The following MCM9 variants were observed in gnomAD, a reference collection of about 807,000 sequenced individuals.
The protein encoded by MCM9 is minichromosome maintenance 9 homologous recombination repair factor.
Under a neutral mutation model 72.8 loss-of-function variants are expected in MCM9, and 55 were observed. That is an observed-to-expected ratio of 0.76 (90% confidence interval 0.61 to 0.95). The LOEUF (loss-of-function observed/expected upper bound fraction) is 0.95. Among genes scored for constraint, MCM9 ranks in the 40% least tolerant of loss-of-function variants. The pLI is 0.00. For missense variants in MCM9, 1,279 were observed against 1,377.0 expected, an observed-to-expected ratio of 0.93 and a Z score of 1.13; for synonymous variants, 480 against 503.4, an observed-to-expected ratio of 0.95 and a Z score of 0.62.
At chr6:118,865,757 A>G (rs192481429) in intron 8 of MCM9, among the ~76,000 whole-genome samples, 1 of 152,318 alleles carries the variant, frequency 6.6e-6, no homozygotes, top group East Asian at 1.9e-4. Flanking sequence ...AAGTGCCATA[A>G]CTTCTATAAC....
At chr6:118,850,703 T>C (rs1032388) in intron 9 of MCM9, among the ~76,000 whole-genome samples, 110,125 of 151,692 alleles carry the variant, frequency 0.73, 41,427 homozygotes, top group South Asian at 0.83. Context: ...GTTTGATCTA[T>C]TGGAAGCATC....
chr6:118,863,231 T>C (rs1023108499), intron 8 of MCM9, among the ~76,000 whole-genome samples: 5 of 152,122 alleles, frequency 3.3e-5, no homozygotes, highest in African/African-American at 4.8e-5. Flanking sequence ...AGATGAAAGA[T>C]CTAAGGACAA....
At chr6:118,868,686 T>C (rs371923282) in intron 8 of MCM9, among the ~76,000 whole-genome samples, 3 of 152,150 alleles carry the variant, frequency 2.0e-5, no homozygotes, top group Non-Finnish European at 2.9e-5. Context: ...CACTGGTCAT[T>C]AGAGAAATGC....
intron 7 of MCM9, chr6:118,912,575 A>C (rs1417392063): frequency 6.6e-6 from 1 of 152,196 alleles, no homozygotes; most frequent in Non-Finnish European, 1.5e-5. Context: ...AAAACATATA[A>C]GGACGCCTTA....
chr6:118,920,217 G>C (rs917514076), intron 5 of MCM9: 2 of 152,168 alleles, frequency 1.3e-5, no homozygotes, highest in Non-Finnish European at 2.9e-5. Context: ...ATATGAGCAA[G>C]GTATTTTGAC....
chr6:118,878,033 A>C (rs1324290795), intron 8 of MCM9, among the ~76,000 whole-genome samples: 2 of 152,184 alleles, frequency 1.3e-5, no homozygotes, highest in East Asian at 1.9e-4. Context: ...ATGGTGGTGC[A>C]TGACTGTAAT....
chr6:118,866,166 T>C (rs1583474053), intron 8 of MCM9, among the ~76,000 whole-genome samples: 1 of 152,324 alleles, frequency 6.6e-6, no homozygotes, highest in South Asian at 2.1e-4. Flanking sequence ...ACAGTCTGGA[T>C]GAACTCGAAT....
At chr6:118,879,681 G>C (rs145397260) in intron 8 of MCM9, among the ~76,000 whole-genome samples, 1,885 of 151,880 alleles carry the variant, frequency 0.012, 11 homozygotes, top group South Asian at 0.031. Flanking sequence ...TACAGAAAAA[G>C]GATGCCAATT....
chr6:118,923,463 A>C (rs1434904456), intron 4 of MCM9, among the ~76,000 whole-genome samples: 1 of 152,084 alleles, frequency 6.6e-6, no homozygotes, highest in Non-Finnish European at 1.5e-5. Flanking sequence ...CCAATGTTTA[A>C]CCATTTAAGC....
At chr6:118,872,572 TGGAGGATA>T (rs890059286) in intron 8 of MCM9, among the ~76,000 whole-genome samples, 12 of 152,068 alleles carry the variant, frequency 7.9e-5, no homozygotes, top group African/African-American at 2.9e-4. Flanking sequence ...TGATTGTGCC[TGGAGGATA>T]GCAACTATAC....
intron 8 of MCM9, 37 bp downstream of exon 8, chr6:118,911,613 G>C (rs367727233): frequency 2.4e-5 from 38 of 1,584,162 alleles, no homozygotes; most frequent in African/African-American, 5.4e-5. Flanking sequence ...AACTTCTGAA[G>C]TAATGTTAAA....
At chr6:118,832,655 C>A (rs1448169648) in intron 9 of MCM9, among the ~76,000 whole-genome samples, 1 of 152,184 alleles carries the variant, frequency 6.6e-6, no homozygotes, top group Admixed American at 6.5e-5. Flanking sequence ...CACATTTAAA[C>A]GTCCTACAAA....
chr6:118,854,942 T>C (rs1776460577), intron 9 of MCM9, among the ~76,000 whole-genome samples: 2 of 152,224 alleles, frequency 1.3e-5, no homozygotes, highest in Non-Finnish European at 2.9e-5. Flanking sequence ...ACATTTTTAA[T>C]AATTATTTTT....
At chr6:118,835,191 C>G (rs1774871354) in intron 9 of MCM9, among the ~76,000 whole-genome samples, 2 of 152,240 alleles carry the variant, frequency 1.3e-5, no homozygotes, top group South Asian at 4.2e-4. Context: ...GGTCTCTGTT[C>G]TGTTCCATTG....
chr6:118,891,276 C>T (rs923787367), intron 8 of MCM9, among the ~76,000 whole-genome samples: 1 of 152,194 alleles, frequency 6.6e-6, no homozygotes, highest in Non-Finnish European at 1.5e-5. Context: ...CACATCATTT[C>T]ACCCACAGGA....
intron 8 of MCM9, among the ~76,000 whole-genome samples, chr6:118,897,782 C>G (rs1395528051): frequency 6.6e-6 from 1 of 151,916 alleles, no homozygotes; most frequent in African/African-American, 2.4e-5. Flanking sequence ...CTTACCCTTC[C>G]TCCCTCAAAT....
chr6:118,857,626 C>CAAAAAAAAAAAAAAA (rs1203197065), intron 8 of MCM9, among the ~76,000 whole-genome samples: 1 of 70,966 alleles, frequency 1.4e-5, no homozygotes, highest in African/African-American at 5.6e-5. Context: ...CCAGACTGAC[C>CAAAAAAAAAAAAAAA]AAAAAAAAAA....
At chr6:118,858,627 A>T (rs997519900) in intron 8 of MCM9, among the ~76,000 whole-genome samples, 2 of 152,166 alleles carry the variant, frequency 1.3e-5, no homozygotes, top group African/African-American at 4.8e-5. Context: ...ATCTACTAAA[A>T]ACCAACTAGA....
intron 8 of MCM9, chr6:118,893,950 G>GCCACGCCTCCCCGCCGCA: frequency 1.2e-6 from 1 of 868,790 alleles, no homozygotes; most frequent in Non-Finnish European, 1.4e-6. Context: ...TCCCCGCCGC[G>GCCACGCCTCCCCGCCGCA]GCCACGCCCC....
Sources: allele counts gnomAD v4.1 joint callset (sites outside exome capture counted in the v4.1 genomes callset), GRCh38; gene constraint gnomAD v4.1.1; transcripts MANE v1.5; gene names NCBI Gene and HGNC (gene_info 2026-07-23, HGNC 2026-07-21).